Variants in E2F3 observed in about 807,000 individuals in gnomAD.
E2F3 encodes the protein E2F transcription factor 3.
Under a neutral mutation model 44.4 loss-of-function variants are expected in E2F3, and 11 were observed. That is an observed-to-expected ratio of 0.25 (90% CI 0.16 to 0.41). E2F3 has a LOEUF of 0.41. Ranked by LOEUF, E2F3 falls within the 10% of genes least tolerant of loss-of-function variation. The pLI is 1.00. For synonymous variants in E2F3, 249 were observed against 253.0 expected (o/e 0.98, Z 0.15); for missense variants, 487 against 583.6 (o/e 0.83, Z 1.70).
At chr6:20,440,238 T>C (rs963446194) in intron 1 of E2F3, 14 of 152,238 alleles carry the variant, frequency 9.2e-5, no homozygotes, top group Admixed American at 3.3e-4. Context: ...AAGGCATATT[T>C]TGCCACAGGT....
intron 1 of E2F3, among the ~76,000 whole-genome samples, chr6:20,453,488 C>T (rs1761203028): frequency 6.6e-6 from 1 of 152,088 alleles, no homozygotes; most frequent in Non-Finnish European, 1.5e-5. Flanking sequence ...AGTGACGGCT[C>T]ACTGCAGCCT....
chr6:20,405,640 T>A (rs150495006), intron 1 of E2F3, among the ~76,000 whole-genome samples: 2,019 of 152,198 alleles, frequency 0.013, 54 homozygotes, highest in African/African-American at 0.045. Flanking sequence ...CTGGCCAACA[T>A]GGTGAAACCC....
chr6:20,472,058 ACACACACACACT>A (rs1415337320), intron 1 of E2F3, among the ~76,000 whole-genome samples: 6 of 151,612 alleles, frequency 4.0e-5, no homozygotes, highest in African/African-American at 1.5e-4. Context: ...ACACACACAC[ACACACACACACT>A]CACATCTATC....
In E2F3 at chr6:20,488,194, A is replaced by G; in HGVS notation, c.1081A>G (p.Met361Val). 1.2e-6 allele frequency: 2 copies of G among 1,611,926 alleles called. No homozygotes were observed. The highest frequency in any genetic ancestry group is 1.7e-6 in the Non-Finnish European group (2 of 1,179,522). ...CPEETETHSP[M>V]KTNNQDHNGN... is the part of the protein sequence containing the mutation. ...AGAAGAGACTGAAACACACAGTCCA[A>G]TGAAAACAAACAACCAAGACCACAA... is the stretch of plus-strand genomic sequence containing the variant. Residue 361 changes from methionine to valine, a missense_variant, in exon 6 of 7, where the codon ATG becomes GTG. Around this residue, in one of 3 missense-constraint regions of E2F3, gnomAD observed 220 missense variants for 261.7 expected, o/e 0.84. Transcript: ENST00000346618.
At chr6:20,432,664 ATG>A (rs1218628564) in intron 1 of E2F3, among the ~76,000 whole-genome samples, 1 of 152,180 alleles carries the variant, frequency 6.6e-6, no homozygotes, top group Non-Finnish European at 1.5e-5. Flanking sequence ...GGTCTGGAGT[ATG>A]TGAAAATGGG....
chr6:20,468,050 C>T (rs1188410614), intron 1 of E2F3, among the ~76,000 whole-genome samples: 1 of 152,224 alleles, frequency 6.6e-6, no homozygotes. Flanking sequence ...TGAACAAACT[C>T]GGTTTCTCCC....
intron 1 of E2F3, among the ~76,000 whole-genome samples, chr6:20,403,054 C>A (rs1443386604): frequency 6.6e-6 from 1 of 151,570 alleles, no homozygotes; most frequent in East Asian, 1.9e-4. Flanking sequence ...GGGTTGAAAC[C>A]GGGGGACTGT....
At chr6:20,418,255 C>G (rs1048586598) in intron 1 of E2F3, among the ~76,000 whole-genome samples, 1 of 152,152 alleles carries the variant, frequency 6.6e-6, no homozygotes, top group East Asian at 1.9e-4. Context: ...TCCATATAGT[C>G]GAGTTTTGTA....
In E2F3 at chr6:20,472,126, A is replaced by T. The variant is rs147413401; in HGVS notation, c.394-7720A>T. Among the ~76,000 whole-genome samples, 467 of 147,718 alleles carry T rather than the reference A, an allele frequency of 3.2e-3. 1 individual carries two copies. The highest frequency in any genetic ancestry group is 0.011 in the African/African-American group (430 of 40,392). On this transcript the variant is annotated intron_variant, in intron 1 of 6. Transcript: ENST00000346618. The stretch of plus-strand genomic sequence containing the variant: ...TTGGAGCTTTGTAATTTACCTGCCA[A>T]GGGACTTTGGGAATTTATTCCTTGG...
At chr6:20,487,528 A>G (rs1013044121) in intron 5 of E2F3, among the ~76,000 whole-genome samples, 6 of 152,204 alleles carry the variant, frequency 3.9e-5, no homozygotes, top group African/African-American at 1.4e-4. Flanking sequence ...ACAGTTCAAC[A>G]TGAAAAAGTC....
Position 20,490,584 on chromosome 6 carries a change from A to C in E2F3, c.*154A>C, listed in dbSNP as rs989028146. 1.6e-5 allele frequency: 13 copies of C among 799,884 alleles called. No homozygotes were observed. Among genetic ancestry groups the C allele is most frequent in the Non-Finnish European group, 2.1e-5 (12 of 561,184 alleles). 49.5% of individuals were successfully genotyped at this position (799,884 alleles called of 1,614,324 possible). ...TCAGAAGAAAGCTGACATTTTAATG[A>C]ATTTTTTAAAAAATTAATAAACAAA... On this transcript the variant is annotated 3_prime_UTR_variant, in exon 7 of 7. Transcript: ENST00000346618. This position sits in a 1 kb window ranked among gnomAD's most constrained non-coding sequence, Gnocchi z 4.3.
At position 20,486,799 on chromosome 6, in the gene E2F3, T is replaced by C. The variant is rs983370060; in HGVS notation, c.995T>C (p.Ile332Thr). 6.2e-7 allele frequency: 1 copy of C among 1,600,164 alleles called. No individual in the cohort carries two copies. Among genetic ancestry groups the C allele is most frequent in the East Asian group, 2.2e-5 (1 of 44,758 alleles). The part of the protein sequence containing the change: ...PETRLEVPDS[I>T]ESLQIHLAST... ...ACAAGACTTGAAGTGCCTGACTCAA[T>C]AGAGGTAAGGAGACAGCGTCTTTGT... The change falls in exon 5 of 7, where the codon ATA (isoleucine) becomes ACA (threonine). Residue 332 changes from isoleucine to threonine, a missense_variant. Ile to Thr is a moderately conservative substitution (Grantham distance 89). Around this residue, in one of 3 missense-constraint regions of E2F3, gnomAD observed 220 missense variants for 261.7 expected, o/e 0.84. Transcript: ENST00000346618.
intron 1 of E2F3, among the ~76,000 whole-genome samples, chr6:20,467,065 C>T (rs1179911211): frequency 3.3e-5 from 5 of 152,080 alleles, no homozygotes; most frequent in African/African-American, 4.8e-5. Context: ...TTCCCCCCTA[C>T]CCTTCATCAT....
intron 1 of E2F3, chr6:20,445,260 G>A: frequency 3.7e-6 from 2 of 539,590 alleles, no homozygotes; most frequent in Non-Finnish European, 4.6e-6. Context: ...TTTTTTTTTT[G>A]AGACAGTCTC....
At chr6:20,431,111 AAG>A (rs1427446493) in intron 1 of E2F3, among the ~76,000 whole-genome samples, 1 of 152,208 alleles carries the variant, frequency 6.6e-6, no homozygotes, top group Non-Finnish European at 1.5e-5. Context: ...CAGAATTCAC[AAG>A]AGTGTGCTGA....
intron 1 of E2F3, among the ~76,000 whole-genome samples, chr6:20,436,124 G>T (rs1209105823): frequency 1.3e-5 from 2 of 151,948 alleles, no homozygotes. Flanking sequence ...GGAATTACAG[G>T]CATGTACCAC....
chr6:20,437,396 G>C (rs1029778560), intron 1 of E2F3, among the ~76,000 whole-genome samples: 4 of 152,000 alleles, frequency 2.6e-5, no homozygotes, highest in African/African-American at 9.7e-5. Flanking sequence ...TGCCAATCAA[G>C]TTTGGAAATG....
chr6:20,417,242 G>C (rs1241585155), intron 1 of E2F3, among the ~76,000 whole-genome samples: 2 of 152,158 alleles, frequency 1.3e-5, no homozygotes, highest in African/African-American at 4.8e-5. Flanking sequence ...TAAATGAAAT[G>C]AGAGACTATG....
intron 4 of E2F3, among the ~76,000 whole-genome samples, chr6:20,485,222 T>G (rs1003982192): frequency 1.3e-5 from 2 of 152,168 alleles, no homozygotes; most frequent in African/African-American, 4.8e-5. Flanking sequence ...TACCATATTC[T>G]TTCATGATAG....
Sources: gnomAD v4.1 joint callset for allele counts (sites outside exome capture counted in the v4.1 genomes callset) on GRCh38, gnomAD v4.1.1 for gene constraint, gnomAD v4.1.1 regional missense constraint, Gnocchi (gnomAD v3.1) non-coding constraint, MANE v1.5 for transcripts, NCBI Gene and HGNC (gene_info 2026-07-23, HGNC 2026-07-21) for gene names.